ZNF354C: variants seen among roughly 807,000 people sequenced by gnomAD.
The protein encoded by ZNF354C is zinc finger protein 354C.
ZNF354C carries 7 observed loss-of-function variants against 12.4 expected under a neutral mutation model. That is an observed-to-expected ratio of 0.56 (90% CI 0.32 to 1.06). The LOEUF (loss-of-function observed/expected upper bound fraction) is 1.06. ZNF354C is among the 50% of genes least tolerant of loss of function. ZNF354C has a pLI of 0.04. For missense variants in ZNF354C, 609 were observed against 658.0 expected (o/e 0.93, Z 0.81); for synonymous variants, 202 against 224.5 (o/e 0.90, Z 0.90).
In ZNF354C at chr5:179,077,133, G is replaced by T. The variant is rs765050453; in HGVS notation, c.217G>T (p.Val73Leu). 10 of 1,614,070 alleles carry T rather than the reference G, an allele frequency of 6.2e-6. No individual in the cohort carries two copies. In the Admixed American group the frequency reaches 6.7e-5, roughly 11 times the overall value. Reference sequence around the variant, plus strand: ...GCAGCAAGGAGAAGATCCCTGCATGGTGGAAAGAGAAGTCCCTTCAGATAC... The same window carrying T: ...GCAGCAAGGAGAAGATCCCTGCATGTTGGAAAGAGAAGTCCCTTCAGATAC... ...QLQQGEDPCM[V>L]EREVPSDTRL... Residue 73 changes from valine to leucine, a missense_variant, in exon 4 of 5, where the codon GTG becomes TTG. Val to Leu is a conservative substitution (Grantham distance 32). Coordinates refer to ENST00000315475, the MANE Select transcript of ZNF354C (RefSeq NM_014594.3).
rs771347395 is a variant in ZNF354C at position 179,079,735 on chromosome 5, A to G, written c.1303A>G (p.Thr435Ala). Residue 435 changes from threonine (T) to alanine (A), a missense_variant, in exon 5 of 5, where the codon ACT becomes GCT. Thr to Ala is a moderately conservative substitution (Grantham distance 58, BLOSUM62 0). Coordinates refer to ENST00000315475, the MANE Select transcript of ZNF354C (RefSeq NM_014594.3). This position sits in a 1 kb window ranked among gnomAD's most constrained non-coding sequence, Gnocchi z 4.2. ...CTTTAATGAACATCGGAAAATTCAT[A>G]CTGGGGAAAAACTTTATACATGTGA... ...SSFNEHRKIHTGEKLYTCEEC... is the reference protein window; with the variant it reads ...SSFNEHRKIHAGEKLYTCEEC... 1.2e-6 allele frequency: 2 copies of G among 1,614,164 alleles called. No individual in the cohort carries two copies. Among genetic ancestry groups the G allele is most frequent in the East Asian group, 4.5e-5 (2 of 44,874 alleles).
At position 179,079,608 on chromosome 5, in the gene ZNF354C, C is replaced by T; in HGVS notation, c.1176C>T (p.Thr392=). ...QLYTCLECGR[T]FTRIVTLIEH... is the part of the protein sequence containing the mutation. ...ATACATGCTTGGAATGTGGGAGAAC[C>T]TTCACACGTATTGTAACCCTTATCG... Residue 392 remains threonine (T), a synonymous_variant, in exon 5 of 5, where the codon ACC becomes ACT. Transcript: ENST00000315475. The surrounding 1 kb of genome is among the most constrained non-coding windows in gnomAD (Gnocchi z 4.2). 6.2e-7 allele frequency: 1 copy of T among 1,614,168 alleles called. No homozygotes were observed. Among genetic ancestry groups the T allele is most frequent in the Non-Finnish European group, 8.5e-7 (1 of 1,180,032 alleles).
intron 2 of ZNF354C, among the ~76,000 whole-genome samples, chr5:179,068,927 G>A (rs532548776): frequency 1.2e-4 from 18 of 152,348 alleles, no homozygotes; most frequent in Admixed American, 9.1e-4. Context: ...CCTCTCCTGC[G>A]CATGAGCGTG....
chr5:179,068,775 G>A (rs575717339), intron 2 of ZNF354C, among the ~76,000 whole-genome samples: 8 of 152,290 alleles, frequency 5.3e-5, no homozygotes, highest in Admixed American at 3.9e-4. Context: ...TACCAGAGAC[G>A]AGGTGGCCTC....
At chr5:179,061,890 T>G (rs891297654) in intron 1 of ZNF354C, 125 bp from the exon 2 acceptor site, 2 of 699,686 alleles carry the variant, frequency 2.9e-6, no homozygotes, top group Non-Finnish European at 5.1e-6. Flanking sequence ...ACACTCTTCT[T>G]GCTTTACATC....
intron 4 of ZNF354C, among the ~76,000 whole-genome samples, chr5:179,078,109 C>T (rs1762153731): frequency 6.6e-6 from 1 of 152,112 alleles, no homozygotes; most frequent in Non-Finnish European, 1.5e-5. Flanking sequence ...CCTGTCTTCT[C>T]TTTAACAGAC....
chr5:179,069,433 C>G (rs180938685), intron 2 of ZNF354C, among the ~76,000 whole-genome samples: 1 of 151,962 alleles, frequency 6.6e-6, no homozygotes, highest in East Asian at 1.9e-4. Context: ...CATTGTGGCA[C>G]GTGCCTATAA....
rs1177908069 is a variant in ZNF354C, at chr5:179,076,435, G to A, written c.28-10G>A. The A allele has an allele frequency of 2.5e-6, 4 of 1,614,052 alleles. No homozygotes were observed. The highest frequency in any genetic ancestry group is 1.3e-5 in the African/African-American group (1 of 74,926). On this transcript the variant is annotated splice_polypyrimidine_tract_variant and intron_variant, in intron 2 of 4. Coordinates refer to ENST00000315475, the MANE Select transcript of ZNF354C (RefSeq NM_014594.3). ...GTCCTGGGTGAGCAGGTATGGGTTT[G>A]CCATTACAGGAGCCTGTGACATTCA... is the stretch of plus-strand genomic sequence containing the variant.
rs935951970 is a variant in ZNF354C, at chr5:179,081,711, G to C, written c.*1614G>C. ...GAGCATGCTTAGTACCCAAATTTTG[G>C]TTTCTAAATGCCATTCCCCACTAAA... On this transcript the variant is annotated 3_prime_UTR_variant, in exon 5 of 5. Transcript: ENST00000315475. 6.6e-6 allele frequency: 1 copy of C among 152,136 alleles called. No individual in the cohort carries two copies. Among genetic ancestry groups the C allele is most frequent in the African/African-American group, 2.4e-5 (1 of 41,428 alleles). The allele number at this position is 152,136 out of a possible 1,614,324, so 9.4% of individuals were successfully genotyped here. A position where few individuals can be genotyped will look rare whatever the true frequency, so the allele number is the denominator to read the frequency against.
intron 2 of ZNF354C, among the ~76,000 whole-genome samples, chr5:179,066,409 A>G (rs1761959093): frequency 6.6e-6 from 1 of 152,268 alleles, no homozygotes; most frequent in South Asian, 2.1e-4. Flanking sequence ...ATCAAGAGTA[A>G]GAAAAATGTT....
intron 2 of ZNF354C, among the ~76,000 whole-genome samples, chr5:179,065,092 T>C (rs569626218): frequency 6.6e-6 from 1 of 152,266 alleles, no homozygotes; most frequent in Non-Finnish European, 1.5e-5. Flanking sequence ...TTTACAACAA[T>C]TTTAGACGAG....
intron 3 of ZNF354C, 121 bp downstream of exon 3, chr5:179,076,692 A>G (rs1762128607): frequency 1.6e-6 from 2 of 1,283,096 alleles, no homozygotes; most frequent in East Asian, 4.7e-5. Flanking sequence ...GAATTGCTGT[A>G]GAGTGGAAAG....
chr5:179,076,400 G>A (rs756057095), intron 2 of ZNF354C, 45 bp from the exon 3 acceptor site: 1 of 1,610,928 alleles, frequency 6.2e-7, no homozygotes, highest in East Asian at 2.2e-5. Context: ...ATTTTCCGTT[G>A]AAGAAGATGG....
intron 2 of ZNF354C, among the ~76,000 whole-genome samples, chr5:179,073,021 A>G (rs548365141): frequency 1.3e-5 from 2 of 152,320 alleles, no homozygotes; most frequent in South Asian, 2.1e-4. Flanking sequence ...CAAAAAACAA[A>G]GATTTGAAAG....
chr5:179,080,150 AT>A lies in ZNF354C; in HGVS notation c.*54del, dbSNP rs1325282452. ...TCACTGGGGAATAAGGGAATAATAA[AT>A]AGGGTACAAACTCCTAATAGATTTG... On this transcript the variant is annotated 3_prime_UTR_variant, in exon 5 of 5. Transcript: ENST00000315475. The A allele has an allele frequency of 7.5e-7, 1 of 1,324,696 alleles. No homozygotes were observed. The highest frequency in any genetic ancestry group is 2.3e-5 in the East Asian group (1 of 43,072). The allele number at this position is 1,324,696 out of a possible 1,614,324, so 82.1% of individuals were successfully genotyped here.
intron 2 of ZNF354C, among the ~76,000 whole-genome samples, chr5:179,072,975 G>T (rs1160311398): frequency 6.6e-5 from 10 of 152,118 alleles, no homozygotes; most frequent in Non-Finnish European, 1.5e-4. Flanking sequence ...TAGCTAGCTG[G>T]TTTCTACCAT....
chr5:179,070,841 CTTTTTTTT>C (rs766817856), intron 2 of ZNF354C, among the ~76,000 whole-genome samples: 1 of 75,438 alleles, frequency 1.3e-5, no homozygotes, highest in Non-Finnish European at 2.3e-5. Context: ...CTTGATCGCT[CTTTTTTTT>C]TTTTTTTTTT....
In ZNF354C at chr5:179,080,019, T is replaced by C. The variant is rs200658114; in HGVS notation, c.1587T>C (p.Tyr529=). The part of the protein sequence containing the change: ...TKEKLYKWKE[Y]GKPFICSSSL... The stretch of plus-strand genomic sequence containing the variant: ...AGAAACTCTATAAGTGGAAGGAATA[T>C]GGGAAACCTTTCATCTGCAGCTCCT... The change falls in exon 5 of 5, where the codon TAT becomes TAC. Residue 529 remains tyrosine, a synonymous_variant. Transcript: ENST00000315475. 222 of 1,612,762 alleles carry C rather than the reference T, an allele frequency of 1.4e-4. 1 individual carries two copies. Among genetic ancestry groups the C allele is most frequent in the Non-Finnish European group, 7.5e-5 (89 of 1,179,634 alleles).
At position 179,068,686 on chromosome 5, in the gene ZNF354C, C is replaced by T. The variant is rs550820768; in HGVS notation, c.27+6591C>T. On this transcript the variant is annotated intron_variant, in intron 2 of 4. Coordinates refer to ENST00000315475, the MANE Select transcript of ZNF354C (RefSeq NM_014594.3). ...AGGGGAACGGGATTGGTGGTAAAGA[C>T]GGAAGTTGGGTTTGCTGTGAGTGTC... Among the ~76,000 whole-genome samples the T allele has an allele frequency of 8.0e-5, 12 of 149,604 alleles. 1 individual carries two copies. In the Middle Eastern group the frequency reaches 0.014, roughly 172 times the overall value.
Sources: gnomAD v4.1 joint callset for allele counts (sites outside exome capture counted in the v4.1 genomes callset) on GRCh38, gnomAD v4.1.1 for gene constraint, Gnocchi (gnomAD v3.1) non-coding constraint, MANE v1.5 for transcripts, NCBI Gene and HGNC (gene_info 2026-07-23, HGNC 2026-07-21) for gene names.